SLC9C1: variants seen among roughly 807,000 people sequenced by gnomAD.
SLC9C1 encodes the protein solute carrier family 9 member C1.
In SLC9C1, 97 loss-of-function variants were observed where a neutral mutation model predicts 140.9. That is an observed-to-expected ratio of 0.69 (90% CI 0.58 to 0.82). The LOEUF is 0.82. Ranked by LOEUF, SLC9C1 falls within the 40% of genes least tolerant of loss-of-function variation. The probability of loss-of-function intolerance (pLI) is 0.00; values close to 1 mark genes in which losing one functional copy is unlikely to be tolerated. For synonymous variants in SLC9C1, 440 were observed against 442.6 expected (o/e 0.99, Z 0.07); for missense variants, 1,340 against 1,389.3 (o/e 0.96, Z 0.56).
At chr3:112,172,569 C>G (rs1483637135) in intron 23 of SLC9C1, among the ~76,000 whole-genome samples, 1 of 152,014 alleles carries the variant, frequency 6.6e-6, no homozygotes, top group African/African-American at 2.4e-5. Flanking sequence ...TACTAGTTAA[C>G]AACTCCAATA....
chr3:112,179,993 T>C (rs1165946766), intron 22 of SLC9C1, among the ~76,000 whole-genome samples: 1 of 152,198 alleles, frequency 6.6e-6, no homozygotes, highest in Non-Finnish European at 1.5e-5. Flanking sequence ...ACAATTTATA[T>C]TATAATTGTC....
chr3:112,174,440 T>C (rs1055262327), intron 23 of SLC9C1, among the ~76,000 whole-genome samples: 7 of 152,134 alleles, frequency 4.6e-5, no homozygotes, highest in African/African-American at 1.7e-4. Flanking sequence ...CTCAGGCTCT[T>C]TGTTTCTTCC....
At chr3:112,274,384 G>T (rs934774999) in intron 6 of SLC9C1, among the ~76,000 whole-genome samples, 2 of 152,028 alleles carry the variant, frequency 1.3e-5, no homozygotes, top group Non-Finnish European at 2.9e-5. Context: ...ATCTGAAAGC[G>T]GTAAATGAAA....
At chr3:112,174,528 G>T (rs1202645999) in intron 23 of SLC9C1, among the ~76,000 whole-genome samples, 2 of 152,148 alleles carry the variant, frequency 1.3e-5, no homozygotes, top group Non-Finnish European at 2.9e-5. Flanking sequence ...GTCTCTAGGA[G>T]CCTCTCCCTG....
At position 112,292,522 on chromosome 3, in the gene SLC9C1, T is replaced by C. The variant is rs948122581; in HGVS notation, c.-88+1571A>G. 2.5e-4 allele frequency among the ~76,000 whole-genome samples: 38 copies of C among 152,052 alleles called. 1 individual carries two copies. The highest frequency in any genetic ancestry group is 2.4e-3 in the Admixed American group (37 of 15,278). On this transcript the variant is annotated intron_variant, in intron 1 of 28. Transcript: ENST00000305815. The stretch of plus-strand genomic sequence containing the variant: ...TATGTTAAATGTATGGGTAAGGAAA[T>C]AGCTATGAGAATAAACAGGTTTTCT...
At chr3:112,237,593 A>T (rs2079025764) in intron 12 of SLC9C1, among the ~76,000 whole-genome samples, 1 of 152,136 alleles carries the variant, frequency 6.6e-6, no homozygotes. Context: ...AGTGGCTGGT[A>T]CCGGTTGTTC....
intron 13 of SLC9C1, among the ~76,000 whole-genome samples, chr3:112,224,078 A>T (rs1198816403): frequency 6.6e-6 from 1 of 152,172 alleles, no homozygotes; most frequent in Admixed American, 6.6e-5. Flanking sequence ...CAAATCACAG[A>T]TGATCCTGGT....
chr3:112,220,850 G>A (rs1402853703), intron 14 of SLC9C1, among the ~76,000 whole-genome samples: 1 of 63,312 alleles, frequency 1.6e-5, no homozygotes, highest in Non-Finnish European at 3.5e-5. Flanking sequence ...CTTAACTTTT[G>A]GCAGGGGGGG....
In SLC9C1 at chr3:112,264,213, A is replaced by G. The variant is rs9985308; in HGVS notation, c.1009T>C (p.Leu337=). ...TGATGTTCTTACCTTAAAACAATCAATGTTAAGTAGATATTTAATGAATAG... is the reference window on the plus strand; with the variant it reads ...TGATGTTCTTACCTTAAAACAATCAGTGTTAAGTAGATATTTAATGAATAG... ...IYYSLNIYLT[L]IVLRFLTLLL... The change falls in exon 9 of 29, where the codon TTG becomes CTG. Residue 337 remains leucine, a synonymous_variant. Transcript: ENST00000305815. 2,423 of 1,217,800 alleles carry G rather than the reference A, an allele frequency of 2.0e-3. 43 individuals carry two copies. In the African/African-American group the frequency reaches 0.033, roughly 16 times the overall value. 75.4% of individuals were successfully genotyped at this position (1,217,800 alleles called of 1,614,324 possible).
intron 15 of SLC9C1, among the ~76,000 whole-genome samples, chr3:112,213,321 ACAT>A (rs1457962268): frequency 6.6e-6 from 1 of 152,194 alleles, no homozygotes; most frequent in African/African-American, 2.4e-5. Context: ...TAACCAGCTA[ACAT>A]CATAATGACA....
At chr3:112,288,042 CAAAAA>C (rs11462109) in intron 1 of SLC9C1, among the ~76,000 whole-genome samples, 1 of 81,828 alleles carries the variant, frequency 1.2e-5, no homozygotes, top group Non-Finnish European at 2.2e-5. Flanking sequence ...GACTCCGTCT[CAAAAA>C]AAAAAAAAAA....
At chr3:112,261,600 C>T (rs146767148) in intron 10 of SLC9C1, among the ~76,000 whole-genome samples, 24 of 152,086 alleles carry the variant, frequency 1.6e-4, no homozygotes, top group African/African-American at 3.9e-4. Context: ...CTGTAGGGTT[C>T]AGCTAGATTA....
At chr3:112,214,218 G>A (rs573086643) in intron 15 of SLC9C1, among the ~76,000 whole-genome samples, 2 of 152,292 alleles carry the variant, frequency 1.3e-5, no homozygotes, top group Admixed American at 6.5e-5. Context: ...AGTGTGTAGA[G>A]GGAAATTTGT....
rs780122266 is a variant in SLC9C1 at position 112,235,265 on chromosome 3, GCCCT to G, written c.1447-3783_1447-3780del. Among the ~76,000 whole-genome samples, 28 of 110,358 alleles carry G rather than the reference GCCCT, an allele frequency of 2.5e-4. 1 individual carries two copies. Among genetic ancestry groups the G allele is most frequent in the Non-Finnish European group, 4.1e-4 (21 of 51,206 alleles). 72.4% of individuals were successfully genotyped at this position (110,358 alleles called of 152,430 possible). On this transcript the variant is annotated intron_variant, in intron 12 of 28. Transcript: ENST00000305815. ...TGAATGGGAGTTCACTCATGATTTG[GCCCT>G]CTGTTTGTTTGTTATTGGTGTATAA...
chr3:112,202,602 T>A (rs2077934889), intron 17 of SLC9C1, among the ~76,000 whole-genome samples: 1 of 152,014 alleles, frequency 6.6e-6, no homozygotes, highest in Admixed American at 6.6e-5. Context: ...ACTAATAATT[T>A]GGGGGTACCT....
chr3:112,157,763 A>T (rs1576224080), intron 26 of SLC9C1, among the ~76,000 whole-genome samples: 1 of 148,936 alleles, frequency 6.7e-6, no homozygotes, highest in Non-Finnish European at 1.5e-5. Context: ...ATTCCTAGGT[A>T]TTTTTTTTTT....
At chr3:112,179,423 A>C (rs956828908) in intron 23 of SLC9C1, 108 bp downstream of exon 23, 28 of 1,260,842 alleles carry the variant, frequency 2.2e-5, no homozygotes, top group Non-Finnish European at 4.3e-6. Flanking sequence ...TAGTTTTTAA[A>C]AGTAAATTGT....
At chr3:112,242,641 A>T (rs1288162221) in intron 11 of SLC9C1, among the ~76,000 whole-genome samples, 1 of 152,202 alleles carries the variant, frequency 6.6e-6, no homozygotes, top group East Asian at 1.9e-4. Flanking sequence ...TATAGTCAAG[A>T]ATAATTAATT....
chr3:112,278,848 A>G lies in SLC9C1; in HGVS notation c.199T>C (p.Tyr67His). The G allele has an allele frequency of 6.2e-7, 1 of 1,604,908 alleles. No individual in the cohort carries two copies. Among genetic ancestry groups the G allele is most frequent in the Non-Finnish European group, 8.5e-7 (1 of 1,177,100 alleles). Residue 67 changes from tyrosine (Y) to histidine (H), a missense_variant, in exon 4 of 29, where the codon TAC becomes CAC. Transcript: ENST00000305815. ...LSFTSSQVQRYANAIQWMSPD... is the reference protein window; with the variant it reads ...LSFTSSQVQRHANAIQWMSPD... ...CTCATCCATTGTATGGCGTTTGCGT[A>G]TCTTTGGACCTAATATTATACAAAT...
Sources: allele counts gnomAD v4.1 joint callset (sites outside exome capture counted in the v4.1 genomes callset), GRCh38; gene constraint gnomAD v4.1.1; transcripts MANE v1.5; gene names NCBI Gene and HGNC (gene_info 2026-07-23, HGNC 2026-07-21).